The following ST3GAL5 variants were observed in gnomAD, a reference collection of about 807,000 sequenced individuals.
ST3GAL5 encodes the protein ST3 beta-galactoside alpha-2,3-sialyltransferase 5, also known as lactosylceramide alpha-2,3-sialyltransferase.
ST3GAL5 carries 25 observed loss-of-function variants against 46.1 expected under a neutral mutation model. The observed-to-expected ratio is 0.54, with a 90% confidence interval of 0.40 to 0.76. The LOEUF (loss-of-function observed/expected upper bound fraction) is 0.76. Ranked by LOEUF, ST3GAL5 falls within the 30% of genes least tolerant of loss-of-function variation. ST3GAL5 has a pLI of 0.00. For synonymous variants in ST3GAL5, 182 were observed against 192.7 expected (o/e 0.94, Z 0.46); for missense variants, 431 against 521.2 (o/e 0.83, Z 1.69).
At position 85,840,170 on chromosome 2, in the gene ST3GAL5, T is replaced by C. The variant is rs890649913; in HGVS notation, c.1231A>G (p.Ser411Gly). Reference protein sequence around the residue: ...LVKEGVVKDLSGGIDREF With the variant: ...LVKEGVVKDLGGGIDREF The stretch of plus-strand genomic sequence containing the variant: ...CAAAATTCACGATCAATGCCTCCAC[T>C]GAGATCTTTCACCACTCCCTCTTTG... The change falls in exon 7 of 7, where the codon AGT (serine) becomes GGT (glycine). Residue 411 changes from serine (S) to glycine (G), a missense_variant. Coordinates refer to ENST00000638572, the MANE Select transcript of ST3GAL5 (RefSeq NM_003896.4). The C allele has an allele frequency of 2.5e-6, 4 of 1,613,988 alleles. No homozygotes were observed. The highest frequency in any genetic ancestry group is 3.4e-6 in the Non-Finnish European group (4 of 1,179,926).
At chr2:85,848,690 A>T (rs1683118528) in intron 3 of ST3GAL5, 1 of 266,204 alleles carries the variant, frequency 3.8e-6, no homozygotes, top group African/African-American at 2.2e-5. Flanking sequence ...CCAGGGTTGA[A>T]GAGAGGGAGA....
At chr2:85,862,387 A>G in intron 2 of ST3GAL5, among the ~76,000 whole-genome samples, 1 of 151,762 alleles carries the variant, frequency 6.6e-6, no homozygotes, top group Middle Eastern at 3.2e-3. Flanking sequence ...TTTCACTGAG[A>G]CTCTTTAATA....
chr2:85,864,763 C>T (rs1445747143), intron 1 of ST3GAL5, among the ~76,000 whole-genome samples: 1 of 152,168 alleles, frequency 6.6e-6, no homozygotes, highest in Non-Finnish European at 1.5e-5. Context: ...TCGCTTTCCC[C>T]TAACTCAACT....
At chr2:85,882,861 A>C (rs1687326385) in intron 1 of ST3GAL5, among the ~76,000 whole-genome samples, 1 of 145,558 alleles carries the variant, frequency 6.9e-6, no homozygotes, top group African/African-American at 2.5e-5. Flanking sequence ...TGACTGCTCC[A>C]CTGGATTTCG....
chr2:85,860,546 T>C (rs1453206717), intron 3 of ST3GAL5, among the ~76,000 whole-genome samples: 1 of 152,066 alleles, frequency 6.6e-6, no homozygotes, highest in Non-Finnish European at 1.5e-5. Context: ...TCATTAAAAT[T>C]AAAAATAAAA....
At chr2:85,851,665 G>C (rs1558661225) in intron 3 of ST3GAL5, 11 of 1,289,434 alleles carry the variant, frequency 8.5e-6, no homozygotes, top group Non-Finnish European at 1.1e-5. Flanking sequence ...TCACAGCTCA[G>C]AAGAAAGTGC....
At chr2:85,842,934 T>G (rs1192259228) in intron 6 of ST3GAL5, among the ~76,000 whole-genome samples, 1 of 152,066 alleles carries the variant, frequency 6.6e-6, no homozygotes, top group East Asian at 1.9e-4. Flanking sequence ...CTAATTTTAT[T>G]TTTAGTAGAG....
chr2:85,849,711 G>A (rs1371925459), intron 3 of ST3GAL5: 1 of 152,174 alleles, frequency 6.6e-6, no homozygotes, highest in Non-Finnish European at 1.5e-5. Flanking sequence ...TCTTCCTCTT[G>A]GCTCAGCTGG....
At chr2:85,878,027 G>C (rs1422610012) in intron 1 of ST3GAL5, among the ~76,000 whole-genome samples, 2 of 152,156 alleles carry the variant, frequency 1.3e-5, no homozygotes, top group African/African-American at 4.8e-5. Flanking sequence ...GAGACACCCA[G>C]GTCCAGAGAG....
chr2:85,847,641 A>G (rs1682958223), intron 4 of ST3GAL5: 1 of 1,303,890 alleles, frequency 7.7e-7, no homozygotes, highest in Admixed American at 3.2e-5. Context: ...TACTAAAAAT[A>G]TAAAAAATTA....
chr2:85,859,618 A>C (rs1684514923), intron 3 of ST3GAL5, among the ~76,000 whole-genome samples: 1 of 152,208 alleles, frequency 6.6e-6, no homozygotes, highest in Admixed American at 6.5e-5. Context: ...GAGACTCAAT[A>C]GTTTTGCAGG....
chr2:85,863,352 C>A lies in ST3GAL5; in HGVS notation c.206+10G>T, dbSNP rs374393949. 3.1e-6 allele frequency: 5 copies of A among 1,613,794 alleles called. No individual in the cohort carries two copies. The highest frequency in any genetic ancestry group is 4.2e-6 in the Non-Finnish European group (5 of 1,179,972). ...GCAGGGGGATCTACAGTCCCAGGGG[C>A]GGTACTTACTTGAGGATGTCTTTTA... On this transcript the variant is annotated intron_variant, in intron 2 of 6. Coordinates refer to ENST00000638572, the MANE Select transcript of ST3GAL5 (RefSeq NM_003896.4).
intron 1 of ST3GAL5, among the ~76,000 whole-genome samples, chr2:85,883,226 G>A (rs1048732409): frequency 6.6e-6 from 1 of 152,268 alleles, no homozygotes; most frequent in Admixed American, 6.5e-5. Flanking sequence ...GGACCCGGGG[G>A]AGGTAATTGA....
chr2:85,870,092 T>C (rs1020304642), intron 1 of ST3GAL5: 2 of 429,386 alleles, frequency 4.7e-6, no homozygotes, highest in African/African-American at 4.1e-5. Flanking sequence ...TATGTGGATA[T>C]TCCTGTATGC....
At chr2:85,861,132 A>G (rs1286074437) in intron 3 of ST3GAL5, 49 bp downstream of exon 3, 1 of 1,203,672 alleles carries the variant, frequency 8.3e-7, no homozygotes, top group African/African-American at 1.5e-5. Flanking sequence ...TAGTTTGAGC[A>G]TATGCTTGGC....
intron 1 of ST3GAL5, among the ~76,000 whole-genome samples, chr2:85,867,053 G>A (rs924523409): frequency 6.6e-6 from 1 of 152,198 alleles, no homozygotes; most frequent in African/African-American, 2.4e-5. Context: ...ACCTTTGGGA[G>A]ACGGGGATGG....
chr2:85,845,544 T>C (rs1682680993), intron 5 of ST3GAL5: 1 of 152,242 alleles, frequency 6.6e-6, no homozygotes, highest in Admixed American at 6.5e-5. Context: ...CTTAATTAGG[T>C]CTGGCCCATC....
At chr2:85,857,279 G>A (rs1684238117) in intron 3 of ST3GAL5, among the ~76,000 whole-genome samples, 1 of 151,682 alleles carries the variant, frequency 6.6e-6, no homozygotes, top group Non-Finnish European at 1.5e-5. Context: ...GCTCATGCCT[G>A]TCATCCTAGC....
chr2:85,863,576 C>G, intron 1 of ST3GAL5, 91 bp from the exon 2 acceptor site: 1 of 1,378,928 alleles, frequency 7.3e-7, no homozygotes, highest in Non-Finnish European at 1.0e-6. Flanking sequence ...TTATATGTTG[C>G]ATCCATACCA....
Sources: allele counts gnomAD v4.1 joint callset (sites outside exome capture counted in the v4.1 genomes callset), GRCh38; gene constraint gnomAD v4.1.1; transcripts MANE v1.5; gene names NCBI Gene and HGNC (gene_info 2026-07-23, HGNC 2026-07-21).